The following GUCY1A2 variants were observed in gnomAD, a reference collection of about 807,000 sequenced individuals.
GUCY1A2 encodes guanylate cyclase soluble subunit alpha-2.
In GUCY1A2, 27 loss-of-function variants were observed where a neutral mutation model predicts 63.5. The observed-to-expected ratio is 0.43, with a 90% confidence interval of 0.31 to 0.59. The LOEUF is 0.59. Ranked by LOEUF, GUCY1A2 falls within the 20% of genes least tolerant of loss-of-function variation. GUCY1A2 has a pLI of 0.11. For missense variants in GUCY1A2, 768 were observed against 913.3 expected, an observed-to-expected ratio of 0.84 and a Z score of 2.05; for synonymous variants, 364 against 343.5, an observed-to-expected ratio of 1.06 and a Z score of -0.66.
chr11:106,883,345 A>G (rs1191975389), intron 4 of GUCY1A2, among the ~76,000 whole-genome samples: 1 of 152,138 alleles, frequency 6.6e-6, no homozygotes, highest in Non-Finnish European at 1.5e-5. Flanking sequence ...ACACAACAGT[A>G]TTTTCATAAT....
At chr11:106,862,813 A>G (rs1356053954) in intron 4 of GUCY1A2, among the ~76,000 whole-genome samples, 1 of 152,088 alleles carries the variant, frequency 6.6e-6, no homozygotes, top group East Asian at 1.9e-4. Flanking sequence ...CTGGATTTTC[A>G]GATACATTAG....
chr11:107,011,021 C>T (rs1337131553), intron 1 of GUCY1A2, among the ~76,000 whole-genome samples: 9 of 152,178 alleles, frequency 5.9e-5, no homozygotes, highest in African/African-American at 1.9e-4. Context: ...TCAACCACTG[C>T]GCCTGGCCCT....
At chr11:106,769,915 ATAAT>A (rs1864226843) in intron 6 of GUCY1A2, among the ~76,000 whole-genome samples, 1 of 152,124 alleles carries the variant, frequency 6.6e-6, no homozygotes, top group African/African-American at 2.4e-5. Context: ...TTATAAATAA[ATAAT>A]TATCAAAGAA....
intron 3 of GUCY1A2, among the ~76,000 whole-genome samples, chr11:106,941,961 C>T (rs1477014677): frequency 6.6e-6 from 1 of 152,186 alleles, no homozygotes; most frequent in Non-Finnish European, 1.5e-5. Context: ...AATATCACCA[C>T]TCATGTCACA....
intron 4 of GUCY1A2, among the ~76,000 whole-genome samples, chr11:106,839,463 G>T (rs1859165558): frequency 6.6e-6 from 1 of 151,962 alleles, no homozygotes; most frequent in South Asian, 2.1e-4. Context: ...ATTCCTCCGG[G>T]ATCTAGAACT....
chr11:106,791,187 G>A (rs1448696655), intron 5 of GUCY1A2, among the ~76,000 whole-genome samples: 2 of 152,160 alleles, frequency 1.3e-5, no homozygotes, highest in African/African-American at 2.4e-5. Context: ...GCCTAGGGCT[G>A]GTCTAAATGC....
At chr11:106,805,132 A>G (rs1315537590) in intron 5 of GUCY1A2, among the ~76,000 whole-genome samples, 1 of 152,068 alleles carries the variant, frequency 6.6e-6, no homozygotes, top group African/African-American at 2.4e-5. Flanking sequence ...CTTCTTCCCA[A>G]TCTAAACCTG....
At chr11:106,759,489 T>C (rs931053560) in intron 6 of GUCY1A2, among the ~76,000 whole-genome samples, 1 of 152,246 alleles carries the variant, frequency 6.6e-6, no homozygotes, top group Non-Finnish European at 1.5e-5. Flanking sequence ...TAAATTCATA[T>C]ACTGAGTTCC....
At chr11:106,853,378 G>A (rs1859382392) in intron 4 of GUCY1A2, among the ~76,000 whole-genome samples, 1 of 151,536 alleles carries the variant, frequency 6.6e-6, no homozygotes, top group Non-Finnish European at 1.5e-5. Context: ...TATTGGGGCT[G>A]GGTTATTTTG....
intron 4 of GUCY1A2, chr11:106,936,559 A>G: frequency 1.6e-6 from 1 of 644,408 alleles, no homozygotes; most frequent in Non-Finnish European, 2.7e-6. Context: ...AGAATATGTG[A>G]GGCATGGATG....
At chr11:107,012,583 C>A (rs1861762638) in intron 1 of GUCY1A2, among the ~76,000 whole-genome samples, 1 of 152,250 alleles carries the variant, frequency 6.6e-6, no homozygotes, top group African/African-American at 2.4e-5. Flanking sequence ...AGGGGCTCAG[C>A]AGAGGATTAC....
chr11:106,843,935 G>T (rs997485854), intron 4 of GUCY1A2, among the ~76,000 whole-genome samples: 5 of 151,812 alleles, frequency 3.3e-5, no homozygotes, highest in Non-Finnish European at 7.4e-5. Flanking sequence ...AGAGCACTTA[G>T]AAACTTTCAG....
intron 6 of GUCY1A2, among the ~76,000 whole-genome samples, chr11:106,770,511 T>C (rs886350195): frequency 1.3e-5 from 2 of 152,002 alleles, no homozygotes; most frequent in Non-Finnish European, 2.9e-5. Flanking sequence ...TATTGCAATA[T>C]TTCCAAAACC....
At chr11:106,897,112 C>G (rs1860061440) in intron 4 of GUCY1A2, among the ~76,000 whole-genome samples, 1 of 151,840 alleles carries the variant, frequency 6.6e-6, no homozygotes, top group Non-Finnish European at 1.5e-5. Context: ...TAGCATACCC[C>G]AAAATAAAAT....
intron 2 of GUCY1A2, among the ~76,000 whole-genome samples, chr11:106,982,282 A>G (rs1861346821): frequency 6.6e-6 from 1 of 152,162 alleles, no homozygotes; most frequent in Non-Finnish European, 1.5e-5. Context: ...ATAAACAGAC[A>G]TTCCTCTATC....
chr11:106,970,886 G>A (rs1210973998), intron 3 of GUCY1A2, among the ~76,000 whole-genome samples: 1 of 151,600 alleles, frequency 6.6e-6, no homozygotes, highest in Non-Finnish European at 1.5e-5. Context: ...TTTTCAGGGG[G>A]GTGGGGGGAA....
At chr11:106,895,190 A>G (rs1344612549) in intron 4 of GUCY1A2, among the ~76,000 whole-genome samples, 1 of 152,226 alleles carries the variant, frequency 6.6e-6, no homozygotes, top group Non-Finnish European at 1.5e-5. Flanking sequence ...AATCTCACAC[A>G]AAAGATAATC....
intron 1 of GUCY1A2, among the ~76,000 whole-genome samples, chr11:106,997,696 A>G (rs1437828882): frequency 6.8e-6 from 1 of 147,844 alleles, no homozygotes; most frequent in Non-Finnish European, 1.5e-5. Flanking sequence ...ATAGCATGGT[A>G]GAAAGAGCTT....
intron 3 of GUCY1A2, among the ~76,000 whole-genome samples, chr11:106,948,509 G>T (rs1162133242): frequency 1.3e-5 from 2 of 152,026 alleles, no homozygotes; most frequent in African/African-American, 2.4e-5. Context: ...AAGATATAAA[G>T]AAACTGTTCA....
Sources: gnomAD v4.1 joint callset for allele counts (sites outside exome capture counted in the v4.1 genomes callset) on GRCh38, gnomAD v4.1.1 for gene constraint, MANE v1.5 for transcripts, NCBI Gene and HGNC (gene_info 2026-07-23, HGNC 2026-07-21) for gene names.